ADK: variants seen among roughly 807,000 people sequenced by gnomAD.
ADK encodes the protein N6,N6-dimethyladenosine kinase.
A neutral mutation model predicts 44.7 loss-of-function variants in ADK; 24 were observed. The observed-to-expected ratio is 0.54, with a 90% CI of 0.39 to 0.76. The LOEUF (loss-of-function observed/expected upper bound fraction) is 0.76, where lower values mean the gene tolerates loss of function less well. ADK is among the 30% of genes least tolerant of loss of function. The pLI, the probability that ADK is intolerant of heterozygous loss-of-function variation, is 0.00. For synonymous variants in ADK, 128 were observed against 142.6 expected (o/e 0.90, Z 0.73); for missense variants, 321 against 425.1 (o/e 0.76, Z 2.15).
rs1171287425 is a variant in ADK, at chr10:74,556,921, T to C, written c.726+31495T>C. ...TTGTAGGCTGTCAGACCTCCAGAAA[T>C]AAAGTAGGAACATACCCCTCTTACT... On this transcript the variant is annotated intron_variant, in intron 7 of 10. Transcript: ENST00000539909. Among the ~76,000 whole-genome samples, 4 of 152,240 alleles carry C rather than the reference T, an allele frequency of 2.6e-5. No individual in the cohort carries two copies. In the East Asian group the frequency reaches 5.8e-4, roughly 22 times the overall value.
At position 74,279,534 on chromosome 10, in the gene ADK, G is replaced by A. The variant is rs192749179; in HGVS notation, c.195-35133G>A. Among the ~76,000 whole-genome samples the A allele has an allele frequency of 7.2e-3, 1,084 of 149,822 alleles. 8 individuals are homozygous for A. Among genetic ancestry groups the A allele is most frequent in the Non-Finnish European group, 0.011 (730 of 67,652 alleles). ...CCGGAGGTTGCAGTGAGCCGAGATC[G>A]TACCACTGCACTCCAGCTTGGGTGA... On this transcript the variant is annotated intron_variant, in intron 3 of 10. Transcript: ENST00000539909.
chr10:74,593,055 G>T (rs1851775729), intron 8 of ADK, among the ~76,000 whole-genome samples: 1 of 152,124 alleles, frequency 6.6e-6, no homozygotes, highest in African/African-American at 2.4e-5. Context: ...AGGCAGTGTT[G>T]ATTACCAAAG....
At chr10:74,160,063 A>G (rs1372216572) in intron 1 of ADK, among the ~76,000 whole-genome samples, 1 of 152,196 alleles carries the variant, frequency 6.6e-6, no homozygotes, top group Admixed American at 6.5e-5. Context: ...ATATGCTTGT[A>G]TCAGTTTTGA....
chr10:74,690,558 G>A (rs751313442), intron 10 of ADK, among the ~76,000 whole-genome samples: 11 of 151,972 alleles, frequency 7.2e-5, no homozygotes, highest in Non-Finnish European at 1.2e-4. Context: ...TGTCTTTCCC[G>A]CTGTGTCCCC....
At chr10:74,419,270 T>A (rs963188301) in intron 6 of ADK, among the ~76,000 whole-genome samples, 3 of 152,168 alleles carry the variant, frequency 2.0e-5, no homozygotes, top group African/African-American at 7.2e-5. Flanking sequence ...TTTTGGTATG[T>A]ACAATATTTA....
chr10:74,636,471 A>G (rs1001756079), intron 9 of ADK, among the ~76,000 whole-genome samples: 2 of 152,200 alleles, frequency 1.3e-5, no homozygotes, highest in Non-Finnish European at 2.9e-5. Flanking sequence ...ATCAATTTGG[A>G]AACAATTTAG....
chr10:74,247,279 C>T (rs1310894602), intron 3 of ADK, among the ~76,000 whole-genome samples: 3 of 122,046 alleles, frequency 2.5e-5, no homozygotes, highest in East Asian at 2.4e-4. Context: ...CAGCTAGGCT[C>T]GGGGGCTGGA....
At chr10:74,195,091 A>AG (rs1843079294) in intron 1 of ADK, among the ~76,000 whole-genome samples, 1 of 16,744 alleles carries the variant, frequency 6.0e-5, no homozygotes, top group Middle Eastern at 0.083. Context: ...TCCCCCCCCC[A>AG]AAAAAAAAAG....
intron 3 of ADK, among the ~76,000 whole-genome samples, chr10:74,253,018 C>T (rs1845701229): frequency 1.3e-5 from 2 of 152,222 alleles, no homozygotes; most frequent in Non-Finnish European, 2.9e-5. Context: ...AATGTTATTA[C>T]TGTCCACTGT....
At chr10:74,283,119 C>T (rs1052503804) in intron 3 of ADK, among the ~76,000 whole-genome samples, 2 of 152,042 alleles carry the variant, frequency 1.3e-5, no homozygotes, top group African/African-American at 4.8e-5. Flanking sequence ...AATTTTGGTA[C>T]CTCCCTGTTT....
intron 6 of ADK, among the ~76,000 whole-genome samples, chr10:74,510,735 T>C (rs1464237506): frequency 6.6e-6 from 1 of 152,142 alleles, no homozygotes; most frequent in Non-Finnish European, 1.5e-5. Context: ...TGAGACAGGG[T>C]CTTGCTGTGT....
chr10:74,417,608 C>A (rs904738294), intron 6 of ADK, among the ~76,000 whole-genome samples: 1 of 152,052 alleles, frequency 6.6e-6, no homozygotes, highest in African/African-American at 2.4e-5. Flanking sequence ...CTGAAACATG[C>A]CAGTCTTTTA....
rs753185598 is a variant in ADK at position 74,600,474 on chromosome 10, T to TG, written c.859dup (p.Asp287GlyfsTer9). ...TCGTGATCTTCACCCAAGGGAGAGA[T>TG]GACACTATAATGGCTACAGGTACAT... On this transcript the variant is annotated frameshift_variant, in exon 9 of 11. Coordinates refer to ENST00000539909, the MANE Select transcript of ADK (RefSeq NM_006721.4). LOFTEE classifies it high-confidence loss of function. The TG allele has an allele frequency of 9.9e-6, 16 of 1,609,770 alleles. No homozygotes were observed. Among genetic ancestry groups the TG allele is most frequent in the Non-Finnish European group, 1.4e-5 (16 of 1,177,540 alleles).
At chr10:74,381,460 T>C (rs765616214) in intron 4 of ADK, among the ~76,000 whole-genome samples, 1 of 152,238 alleles carries the variant, frequency 6.6e-6, no homozygotes, top group Non-Finnish European at 1.5e-5. Context: ...TTGTCATATT[T>C]GCAGGCTTTT....
At chr10:74,642,444 A>G (rs531239084) in intron 9 of ADK, among the ~76,000 whole-genome samples, 133 of 151,074 alleles carry the variant, frequency 8.8e-4, no homozygotes, top group Non-Finnish European at 1.6e-3. Context: ...GGCTCAAGCA[A>G]TCCTCCTGCC....
chr10:74,585,579 G>C (rs926151939), intron 7 of ADK, among the ~76,000 whole-genome samples: 6 of 152,140 alleles, frequency 3.9e-5, no homozygotes, highest in Non-Finnish European at 7.4e-5. Context: ...GTACTCTCAG[G>C]GGAGCAGGAA....
intron 9 of ADK, among the ~76,000 whole-genome samples, chr10:74,653,955 T>C (rs1161698017): frequency 2.0e-5 from 3 of 152,228 alleles, no homozygotes; most frequent in Non-Finnish European, 4.4e-5. Flanking sequence ...GGCATTATCA[T>C]CCCTGAGATG....
intron 3 of ADK, among the ~76,000 whole-genome samples, chr10:74,276,271 C>T (rs758452910): frequency 5.3e-5 from 8 of 152,148 alleles, no homozygotes; most frequent in Non-Finnish European, 8.8e-5. Flanking sequence ...AGACAGAGCA[C>T]CTTTGGTTTG....
chr10:74,358,133 A>G (rs1842206509), intron 4 of ADK, among the ~76,000 whole-genome samples: 1 of 152,240 alleles, frequency 6.6e-6, no homozygotes, highest in South Asian at 2.1e-4. Context: ...CAAAAATTCT[A>G]AATTTACCTC....
Sources: allele counts gnomAD v4.1 joint callset (sites outside exome capture counted in the v4.1 genomes callset), GRCh38; gene constraint gnomAD v4.1.1; transcripts MANE v1.5; gene names NCBI Gene and HGNC (gene_info 2026-07-23, HGNC 2026-07-21).